Variants in EEF2 observed in about 807,000 individuals in gnomAD.
The protein encoded by EEF2 is elongation factor 2.
In EEF2, 21 loss-of-function variants were observed where a neutral mutation model predicts 85.3. The ratio of observed to expected loss-of-function variants is 0.25; its 90% CI spans 0.17 to 0.35. The LOEUF is 0.35. EEF2 is among the 10% of genes least tolerant of loss of function. The pLI, the probability that EEF2 is intolerant of heterozygous loss-of-function variation, is 1.00. For synonymous variants in EEF2, 723 were observed against 508.8 expected, an observed-to-expected ratio of 1.42 and a Z score of -5.67; for missense variants, 825 against 1,225.3, an observed-to-expected ratio of 0.67 and a Z score of 4.88.
chr19:3,979,588 G>A (rs946794808), intron 10 of EEF2, 152 bp from the exon 11 acceptor site: 3 of 922,836 alleles, frequency 3.3e-6, no homozygotes, highest in Admixed American at 5.2e-5. Context: ...CTGAAGAAAT[G>A]TTAAGTCCCA....
In EEF2 at chr19:3,985,423, A is replaced by C. The variant is rs777439048; in HGVS notation, c.-43T>G. The C allele has an allele frequency of 1.2e-5, 18 of 1,476,150 alleles. No individual in the cohort carries two copies. The highest frequency in any genetic ancestry group is 1.8e-4 in the Middle Eastern group (1 of 5,644). The allele number at this position is 1,476,150 out of a possible 1,614,324, so 91.4% of individuals were successfully genotyped here. On this transcript the variant is annotated 5_prime_UTR_variant, in exon 1 of 15. Transcript: ENST00000309311. Reference sequence around the variant, plus strand: ...GATTCTCCCAGGTAGAACCGAAAGAAGCGAGTCGCGCCGAGGATGGCGGCG... The same window carrying C: ...GATTCTCCCAGGTAGAACCGAAAGACGCGAGTCGCGCCGAGGATGGCGGCG...
At chr19:3,979,753 C>A in intron 10 of EEF2, 55 bp downstream of exon 10, 1 of 1,579,630 alleles carries the variant, frequency 6.3e-7, no homozygotes, top group Non-Finnish European at 8.6e-7. Context: ...CAACTCAGGA[C>A]ACAAGCCGTC....
In EEF2 at chr19:3,985,433, G is replaced by C. The variant is rs546488032; in HGVS notation, c.-53C>G. On this transcript the variant is annotated 5_prime_UTR_variant, in exon 1 of 15. Transcript: ENST00000309311. ...GGTAGAACCGAAAGAAGCGAGTCGC[G>C]CCGAGGATGGCGGCGACGACGGCGG... 7.6e-6 allele frequency: 11 copies of C among 1,454,334 alleles called. No homozygotes were observed. The African/African-American group carries it at 1.3e-4, about 17-fold the overall frequency. The allele number at this position is 1,454,334 out of a possible 1,614,324, so 90.1% of individuals were successfully genotyped here. A position where few individuals can be genotyped will look rare whatever the true frequency, so the allele number is the denominator to read the frequency against.
Position 3,978,046 on chromosome 19 carries a change from C to T in EEF2, c.1840G>A (p.Ala614Thr). The T allele has an allele frequency of 6.3e-7, 1 of 1,596,220 alleles. No individual in the cohort carries two copies. The highest frequency in any genetic ancestry group is 8.6e-7 in the Non-Finnish European group (1 of 1,168,370). Reference sequence around the variant, plus strand: ...ACCTCGCCTTTATCGATGTCCTCGGCCAGGCCGTCGGGGAAGGGCCGCGCC... The same window carrying T: ...ACCTCGCCTTTATCGATGTCCTCGGTCAGGCCGTCGGGGAAGGGCCGCGCC... Reference protein sequence around the residue: ...MKARPFPDGLAEDIDKGEVSA... With the variant: ...MKARPFPDGLTEDIDKGEVSA... The change falls in exon 12 of 15, where the codon GCC becomes ACC. Residue 614 changes from alanine (A) to threonine (T), a missense_variant. Transcript: ENST00000309311.
At chr19:3,984,525 C>G (rs2039795262) in intron 1 of EEF2, among the ~76,000 whole-genome samples, 175 bp from the exon 2 acceptor site, 1 of 152,216 alleles carries the variant, frequency 6.6e-6, no homozygotes, top group Non-Finnish European at 1.5e-5. Flanking sequence ...ACCCCGCAAT[C>G]TCCAAGGAAC....
Position 3,980,673 on chromosome 19 carries a change from A to G in EEF2, c.1187T>C (p.Met396Thr). The stretch of plus-strand genomic sequence containing the variant: ...GGTTGGCACCATTTTGGAAATATAC[A>G]TCATAAGAGGGCCTTTGGGGTCACA... Reference protein sequence around the residue: ...KSCDPKGPLMMYISKMVPTSD... With the variant: ...KSCDPKGPLMTYISKMVPTSD... Residue 396 changes from methionine (M) to threonine (T), a missense_variant, in exon 9 of 15, where the codon ATG becomes ACG. Coordinates refer to ENST00000309311, the MANE Select transcript of EEF2 (RefSeq NM_001961.4). The G allele has an allele frequency of 1.2e-6, 2 of 1,614,118 alleles. No homozygotes were observed. Among genetic ancestry groups the G allele is most frequent in the Non-Finnish European group, 1.7e-6 (2 of 1,179,994 alleles).
intron 14 of EEF2, 38 bp from the exon 15 acceptor site, chr19:3,976,785 A>G (rs1325718690): frequency 1.3e-6 from 2 of 1,493,078 alleles, no homozygotes; most frequent in Admixed American, 4.6e-5. Context: ...GGCCATCGAG[A>G]AGGTGGCAGG....
chr19:3,983,994 G>A (rs1234991790), intron 2 of EEF2, 142 bp downstream of exon 2: 4 of 860,920 alleles, frequency 4.6e-6, no homozygotes, highest in Admixed American at 2.4e-5. Context: ...TCGCTGGACT[G>A]AACCTCACTC....
At chr19:3,980,147 G>C in intron 9 of EEF2, 81 bp from the exon 10 acceptor site, 1 of 1,534,498 alleles carries the variant, frequency 6.5e-7, no homozygotes, top group Non-Finnish European at 8.7e-7. Flanking sequence ...CCCTCCCGGA[G>C]TTGGTGGCCC....
In EEF2 at chr19:3,978,035, G is replaced by C; in HGVS notation, c.1851C>G (p.Ile617Met). 4 of 1,602,442 alleles carry C rather than the reference G, an allele frequency of 2.5e-6. No homozygotes were observed. The highest frequency in any genetic ancestry group is 3.4e-6 in the Non-Finnish European group (4 of 1,172,354). Reference sequence around the variant, plus strand: ...GACGGGCGGACACCTCGCCTTTATCGATGTCCTCGGCCAGGCCGTCGGGGA... The same window carrying C: ...GACGGGCGGACACCTCGCCTTTATCCATGTCCTCGGCCAGGCCGTCGGGGA... ...RPFPDGLAED[I>M]DKGEVSARQE... The change falls in exon 12 of 15, where the codon ATC (isoleucine) becomes ATG (methionine). Residue 617 changes from isoleucine (I) to methionine (M), a missense_variant. Physicochemically the swap from Ile to Met is conservative, Grantham distance 10 (BLOSUM62 1). Transcript: ENST00000309311.
rs769755490 is a variant in EEF2, at chr19:3,982,291, C to T, written c.746G>A (p.Arg249Gln). The change falls in exon 5 of 15, where the codon CGG (arginine) becomes CAG (glutamine). Residue 249 changes from arginine (R) to glutamine (Q), a missense_variant. Physicochemically the swap from Arg to Gln is conservative, Grantham distance 43 (BLOSUM62 1). Coordinates refer to ENST00000309311, the MANE Select transcript of EEF2 (RefSeq NM_001961.4). Reference sequence around the variant, plus strand: ...CATCATGTCCTCTACTTTCTTGGCCCGCTCGGCAGGCCCCAACTGGCCCTC... The same window carrying T: ...CATCATGTCCTCTACTTTCTTGGCCTGCTCGGCAGGCCCCAACTGGCCCTC... ...KGEGQLGPAE[R>Q]AKKVEDMMKK... is the part of the protein sequence containing the mutation. The T allele has an allele frequency of 2.5e-5, 40 of 1,614,064 alleles. 1 individual carries two copies. In the Admixed American group the frequency reaches 4.0e-4, roughly 16 times the overall value.
rs755497528 is a variant in EEF2 at position 3,980,063 on chromosome 19, T to C, written c.1350A>G (p.Thr450=). The part of the protein sequence containing the change: ...EDLYLKPIQR[T]ILMMGRYVEP... ...CCACGTAGCGGCCCATCATCAAGAT[T>C]GTTCTGGAAGAAGCAGAAGGCGGCA... The change falls in exon 10 of 15, where the codon ACA becomes ACG. Residue 450 remains threonine (T), a synonymous_variant. Coordinates refer to ENST00000309311, the MANE Select transcript of EEF2 (RefSeq NM_001961.4). 6.2e-7 allele frequency: 1 copy of C among 1,611,942 alleles called. No individual in the cohort carries two copies. The highest frequency in any genetic ancestry group is 1.1e-5 in the South Asian group (1 of 91,066).
At chr19:3,976,926 G>A (rs1201403937) in intron 14 of EEF2, among the ~76,000 whole-genome samples, 179 bp from the exon 15 acceptor site, 2 of 152,240 alleles carry the variant, frequency 1.3e-5, no homozygotes, top group African/African-American at 4.8e-5. Context: ...TCATGCCGCT[G>A]CTCGTTTGGG....
rs1004085000 is a variant in EEF2, at chr19:3,983,159, A to G, written c.351T>C (p.Ala117=). The G allele has an allele frequency of 1.9e-6, 3 of 1,614,008 alleles. No homozygotes were observed. The highest frequency in any genetic ancestry group is 1.1e-5 in the South Asian group (1 of 91,082). The part of the protein sequence containing the change: ...GHVDFSSEVT[A]ALRVTDGALV... ...ATGCGCCATCGGTGACTCGGAGGGC[A>G]GCAGTCACCTCCGAGGAGAAGTCGA... is the stretch of plus-strand genomic sequence containing the variant. Residue 117 remains alanine, a synonymous_variant, in exon 3 of 15, where the codon GCT becomes GCC. Coordinates refer to ENST00000309311, the MANE Select transcript of EEF2 (RefSeq NM_001961.4).
rs2039680577 is a variant in EEF2 at position 3,976,436 on chromosome 19, C to T, written c.*118G>A. ...GATGGCACGCAGCGGGCCCCAGAAACCTCTCAGGGGAGCGTCGCTGTGTCG... is the reference window on the plus strand; with the variant it reads ...GATGGCACGCAGCGGGCCCCAGAAATCTCTCAGGGGAGCGTCGCTGTGTCG... On this transcript the variant is annotated 3_prime_UTR_variant, in exon 15 of 15. Coordinates refer to ENST00000309311, the MANE Select transcript of EEF2 (RefSeq NM_001961.4). 3 of 1,196,290 alleles carry T rather than the reference C, an allele frequency of 2.5e-6. No homozygotes were observed. Among genetic ancestry groups the T allele is most frequent in the Admixed American group, 2.4e-5 (1 of 42,054 alleles). The allele number at this position is 1,196,290 out of a possible 1,614,324, so 74.1% of individuals were successfully genotyped here.
At position 3,980,636 on chromosome 19, in the gene EEF2, A is replaced by G. The variant is rs2039734159; in HGVS notation, c.1224T>C (p.Gly408=). 1 of 1,613,984 alleles carries G rather than the reference A, an allele frequency of 6.2e-7. No homozygotes were observed. The highest frequency in any genetic ancestry group is 1.7e-5 in the Admixed American group (1 of 60,000). The change falls in exon 9 of 15, where the codon GGT becomes GGC. Residue 408 remains glycine, a synonymous_variant. Coordinates refer to ENST00000309311, the MANE Select transcript of EEF2 (RefSeq NM_001961.4). Reference sequence around the variant, plus strand: ...AGACTCGTCCAAAGGCGTAGAACCGACCTTTGTCGGAGGTTGGCACCATTT... The same window carrying G: ...AGACTCGTCCAAAGGCGTAGAACCGGCCTTTGTCGGAGGTTGGCACCATTT... The part of the protein sequence containing the change: ...ISKMVPTSDK[G]RFYAFGRVFS...
chr19:3,985,348 C>T lies in EEF2; in HGVS notation c.3+30G>A, dbSNP rs201157289. 7,677 of 1,466,334 alleles carry T rather than the reference C, an allele frequency of 5.2e-3. 35 individuals carry two copies. The highest frequency in any genetic ancestry group is 6.0e-3 in the Non-Finnish European group (6,648 of 1,101,798). The allele number at this position is 1,466,334 out of a possible 1,614,324, so 90.8% of individuals were successfully genotyped here. A position where few individuals can be genotyped will look rare whatever the true frequency, so the allele number is the denominator to read the frequency against. On this transcript the variant is annotated intron_variant, in intron 1 of 14. Transcript: ENST00000309311. Reference sequence around the variant, plus strand: ...GCCCCGCGGAGGCCCCGCCGCCGCTCCGGGGCACCAGCGAGGCAGGGTTAC... The same window carrying T: ...GCCCCGCGGAGGCCCCGCCGCCGCTTCGGGGCACCAGCGAGGCAGGGTTAC...
At position 3,981,919 on chromosome 19, in the gene EEF2, C is replaced by T. The variant is rs375347198; in HGVS notation, c.897+28G>A. 40 of 1,603,634 alleles carry T rather than the reference C, an allele frequency of 2.5e-5. 2 individuals are homozygous for T. The highest frequency in any genetic ancestry group is 2.1e-4 in the South Asian group (19 of 90,864). On this transcript the variant is annotated intron_variant, in intron 6 of 14. Transcript: ENST00000309311. ...GGCCGAGGGCCAATAGTCGCATCGG[C>T]GGGGTGCCTGGCGCAGCCCTCACTC...
intron 6 of EEF2, 66 bp downstream of exon 6, chr19:3,981,881 C>A (rs2039753073): frequency 1.3e-6 from 2 of 1,481,708 alleles, no homozygotes; most frequent in Admixed American, 1.8e-5. Flanking sequence ...AGGCTACCGG[C>A]CGGAGCCCAC....
Sources: allele counts gnomAD v4.1 joint callset (sites outside exome capture counted in the v4.1 genomes callset), GRCh38; gene constraint gnomAD v4.1.1; transcripts MANE v1.5; gene names NCBI Gene and HGNC (gene_info 2026-07-23, HGNC 2026-07-21).